Variants in FMN2 observed in about 807,000 individuals in gnomAD.
FMN2 encodes formin 2, also known as formin-2.
FMN2 carries 51 observed loss-of-function variants against 142.3 expected under a neutral mutation model. The ratio of observed to expected loss-of-function variants is 0.36; its 90% confidence interval spans 0.29 to 0.45. The LOEUF (loss-of-function observed/expected upper bound fraction) is 0.45, where lower values mean the gene tolerates loss of function less well. Among genes scored for constraint, FMN2 ranks in the 20% least tolerant of loss-of-function variants. The pLI is 1.00. For missense variants in FMN2, 1,936 were observed against 2,122.8 expected (o/e 0.91, Z 1.73); for synonymous variants, 882 against 869.8 (o/e 1.01, Z -0.25).
chr1:240,108,862 C>G (rs900117924), intron 1 of FMN2, among the ~76,000 whole-genome samples: 1 of 152,026 alleles, frequency 6.6e-6, no homozygotes, highest in African/African-American at 2.4e-5. Context: ...ATGGTGAAAC[C>G]CTGTCTCTAC....
intron 13 of FMN2, among the ~76,000 whole-genome samples, chr1:240,349,295 T>A (rs967198907): frequency 1.3e-5 from 2 of 152,204 alleles, no homozygotes; most frequent in South Asian, 2.1e-4. Flanking sequence ...ACAGTTGGAT[T>A]TTAGAAGAAA....
Position 240,168,868 on chromosome 1 carries a change from A to AT in FMN2, c.1783-9053_1783-9052insT, listed in dbSNP as rs1256033765. Among the ~76,000 whole-genome samples the AT allele has an allele frequency of 2.6e-5, 4 of 152,240 alleles. No individual in the cohort carries two copies. In the East Asian group the frequency reaches 7.7e-4, roughly 29 times the overall value. On this transcript the variant is annotated intron_variant, in intron 2 of 17. Transcript: ENST00000319653. ...ACTGTTTTTTTAAATAACAAAAATG[A>AT]AAAGCACATCTGATCAACACAATTT...
intron 15 of FMN2, among the ~76,000 whole-genome samples, chr1:240,417,653 T>C (rs1674620834): frequency 6.6e-6 from 1 of 150,710 alleles, no homozygotes; most frequent in Non-Finnish European, 1.5e-5. Flanking sequence ...TCTCAGTTTA[T>C]GGTTTGCATA....
At chr1:240,434,741 T>C (rs1675304282) in intron 15 of FMN2, among the ~76,000 whole-genome samples, 1 of 150,924 alleles carries the variant, frequency 6.6e-6, no homozygotes, top group Non-Finnish European at 1.5e-5. Flanking sequence ...TTTTTTTTTT[T>C]TTTTGTATTT....
chr1:240,220,108 A>G (rs754650576), intron 6 of FMN2, among the ~76,000 whole-genome samples: 20 of 152,216 alleles, frequency 1.3e-4, no homozygotes, highest in Non-Finnish European at 2.5e-4. Flanking sequence ...AACTTGGTGA[A>G]TCCTCTCCCC....
chr1:240,267,348 G>T (rs1386942154), intron 7 of FMN2, among the ~76,000 whole-genome samples: 1 of 152,036 alleles, frequency 6.6e-6, no homozygotes, highest in Non-Finnish European at 1.5e-5. Flanking sequence ...CATGAATGGA[G>T]CTGGAGGCCA....
intron 2 of FMN2, among the ~76,000 whole-genome samples, chr1:240,169,027 A>T (rs1332514001): frequency 6.6e-6 from 1 of 152,168 alleles, no homozygotes; most frequent in Non-Finnish European, 1.5e-5. Context: ...CCTAGCCGAT[A>T]TGGTGAAACC....
chr1:240,235,235 T>G (rs1667663222), intron 6 of FMN2, among the ~76,000 whole-genome samples: 1 of 152,192 alleles, frequency 6.6e-6, no homozygotes, highest in Non-Finnish European at 1.5e-5. Flanking sequence ...GGTATCCTCA[T>G]ATACAAGTTG....
intron 15 of FMN2, among the ~76,000 whole-genome samples, chr1:240,407,105 A>T (rs1277708066): frequency 6.6e-6 from 1 of 151,310 alleles, no homozygotes; most frequent in Non-Finnish European, 1.5e-5. Context: ...TGATGTAGGT[A>T]TGGGTTTGGA....
intron 10 of FMN2, among the ~76,000 whole-genome samples, chr1:240,329,924 C>T (rs886078454): frequency 5.3e-5 from 8 of 151,700 alleles, no homozygotes; most frequent in African/African-American, 1.9e-4. Flanking sequence ...CTTCCGAAAA[C>T]AAAAAATAAA....
At chr1:240,220,357 A>G (rs954744299) in intron 6 of FMN2, among the ~76,000 whole-genome samples, 15 of 152,102 alleles carry the variant, frequency 9.9e-5, no homozygotes, top group African/African-American at 3.6e-4. Context: ...GTCTTTCTCT[A>G]CAACTATGTC....
rs756052474 is a variant in FMN2, at chr1:240,176,856, A to G, written c.1783-1065A>G. Among the ~76,000 whole-genome samples the G allele has an allele frequency of 1.2e-4, 19 of 152,340 alleles. 1 individual carries two copies. Among genetic ancestry groups the G allele is most frequent in the Admixed American group, 8.5e-4 (13 of 15,308 alleles). The stretch of plus-strand genomic sequence containing the variant: ...GAATCTGAATTCTCAGTTAGGACCA[A>G]TGACTGTCCCTAAATGTAAAGCTTA... On this transcript the variant is annotated intron_variant, in intron 2 of 17. Coordinates refer to ENST00000319653, the MANE Select transcript of FMN2 (RefSeq NM_020066.5).
chr1:240,437,501 A>T (rs949230379), intron 15 of FMN2, among the ~76,000 whole-genome samples: 6 of 151,596 alleles, frequency 4.0e-5, no homozygotes, highest in Admixed American at 3.3e-4. Context: ...ACAGGGTTTC[A>T]CCGTGTTAGC....
At chr1:240,328,134 C>A (rs2103010920) in intron 8 of FMN2, among the ~76,000 whole-genome samples, 1 of 60,782 alleles carries the variant, frequency 1.6e-5, no homozygotes, top group Middle Eastern at 0.019. Context: ...GGTGACGGAG[C>A]AAGACCCCAT....
intron 13 of FMN2, among the ~76,000 whole-genome samples, chr1:240,339,986 T>C (rs771944821): frequency 2.6e-5 from 4 of 152,088 alleles, no homozygotes; most frequent in Non-Finnish European, 5.9e-5. Flanking sequence ...TGCTAACATA[T>C]TTTGTATACT....
chr1:240,161,766 CAT>C (rs1460989307), intron 2 of FMN2, among the ~76,000 whole-genome samples: 2 of 151,968 alleles, frequency 1.3e-5, no homozygotes, highest in South Asian at 2.1e-4. Flanking sequence ...ACTGGGTAAT[CAT>C]ATGAAAAAGA....
intron 8 of FMN2, among the ~76,000 whole-genome samples, chr1:240,321,011 A>G (rs1261225748): frequency 2.0e-5 from 3 of 152,206 alleles, no homozygotes; most frequent in Non-Finnish European, 1.5e-5. Flanking sequence ...GATCTATTCT[A>G]TTAAAACTCA....
chr1:240,355,795 T>C (rs1267482438), intron 13 of FMN2, 21 bp from the exon 14 acceptor site: 2 of 1,572,828 alleles, frequency 1.3e-6, no homozygotes, highest in Non-Finnish European at 1.7e-6. Flanking sequence ...ACACTCTAAA[T>C]AATGTTCTGT....
chr1:240,353,536 A>G (rs1299056997), intron 13 of FMN2, among the ~76,000 whole-genome samples: 2 of 152,198 alleles, frequency 1.3e-5, no homozygotes, highest in Non-Finnish European at 2.9e-5. Context: ...AATAAGATGG[A>G]TTTCCTTTCA....
Sources: allele counts gnomAD v4.1 joint callset (sites outside exome capture counted in the v4.1 genomes callset), GRCh38; gene constraint gnomAD v4.1.1; transcripts MANE v1.5; gene names NCBI Gene and HGNC (gene_info 2026-07-23, HGNC 2026-07-21).